Variants in WDPCP observed in about 807,000 individuals in gnomAD.
WDPCP encodes the protein WD repeat containing planar cell polarity effector.
A neutral mutation model predicts 93.1 loss-of-function variants in WDPCP; 71 were observed. The observed-to-expected ratio is 0.76, with a 90% CI of 0.63 to 0.93. WDPCP has a LOEUF of 0.93. Among genes scored for constraint, WDPCP ranks in the 40% least tolerant of loss-of-function variants. The probability of loss-of-function intolerance (pLI) is 0.00; values close to 1 mark genes in which losing one functional copy is unlikely to be tolerated. For synonymous variants in WDPCP, 315 were observed against 315.0 expected (o/e 1.00, Z 0.00); for missense variants, 844 against 887.4 (o/e 0.95, Z 0.62).
At chr2:63,533,779 C>A (rs1224552858) in intron 1 of WDPCP, among the ~76,000 whole-genome samples, 1 of 152,118 alleles carries the variant, frequency 6.6e-6, no homozygotes, top group Non-Finnish European at 1.5e-5. Context: ...AATCGACACC[C>A]TAACATCACA....
chr2:63,777,897 C>T (rs908093102), intron 2 of WDPCP, among the ~76,000 whole-genome samples: 1 of 152,062 alleles, frequency 6.6e-6, no homozygotes, highest in Admixed American at 6.6e-5. Context: ...AAATTATACA[C>T]TTGAAATATG....
chr2:63,717,440 C>T, intron 2 of WDPCP: 1 of 386,380 alleles, frequency 2.6e-6, no homozygotes, highest in Non-Finnish European at 5.0e-6. Context: ...GAGGCTGCTG[C>T]CCAAAACTAA....
At chr2:63,722,664 G>GT (rs1377010095) in intron 2 of WDPCP, among the ~76,000 whole-genome samples, 6 of 141,520 alleles carry the variant, frequency 4.2e-5, no homozygotes, top group East Asian at 2.1e-4. Context: ...AGGTGGGGGG[G>GT]GGTCAGCCCC....
chr2:63,201,537 T>A (rs946060853), intron 14 of WDPCP, among the ~76,000 whole-genome samples: 1 of 152,208 alleles, frequency 6.6e-6, no homozygotes, highest in African/African-American at 2.4e-5. Flanking sequence ...TTTAGATCAA[T>A]GTTGTACTTT....
intron 3 of WDPCP, among the ~76,000 whole-genome samples, chr2:63,601,885 A>G (rs1224845982): frequency 6.6e-6 from 1 of 152,244 alleles, no homozygotes; most frequent in Non-Finnish European, 1.5e-5. Context: ...TATATACCAT[A>G]CCAGCTAAAT....
At chr2:63,503,067 T>C (rs974620776) in intron 1 of WDPCP, among the ~76,000 whole-genome samples, 1 of 152,248 alleles carries the variant, frequency 6.6e-6, no homozygotes, top group African/African-American at 2.4e-5. Flanking sequence ...AAAAATCTTT[T>C]AAAATCTTTT....
Position 63,295,777 on chromosome 2 carries a change from C to T in WDPCP, c.1812+17471G>A, listed in dbSNP as rs901695794. The stretch of plus-strand genomic sequence containing the variant: ...ATTGAATCAGTAATAAAAAAATCTT[C>T]GAACAACAACAACAACAAAAAAGCC... On this transcript the variant is annotated intron_variant, in intron 13 of 17. Transcript: ENST00000272321. Among the ~76,000 whole-genome samples the T allele has an allele frequency of 1.2e-3, 57 of 47,672 alleles. 1 individual carries two copies. Among genetic ancestry groups the T allele is most frequent in the Admixed American group, 9.4e-3 (38 of 4,062 alleles). 31.3% of individuals were successfully genotyped at this position (47,672 alleles called of 152,430 possible).
chr2:63,496,917 G>C (rs1701253108), intron 1 of WDPCP, among the ~76,000 whole-genome samples: 1 of 151,826 alleles, frequency 6.6e-6, no homozygotes. Flanking sequence ...TTCGAGACCA[G>C]CCTGGCCTTC....
chr2:63,823,712 A>G (rs2104139174), intron 1 of WDPCP, among the ~76,000 whole-genome samples: 1 of 152,314 alleles, frequency 6.6e-6, no homozygotes, highest in African/African-American at 2.4e-5. Flanking sequence ...ATACACCAGT[A>G]ACCTTTAAGG....
At position 63,792,536 on chromosome 2, in the gene WDPCP, T is replaced by G. The variant is rs185274397; in HGVS notation, n.308+21086A>C. Among the ~76,000 whole-genome samples the G allele has an allele frequency of 1.7e-3, 257 of 152,146 alleles. 2 individuals are homozygous for G. The highest frequency in any genetic ancestry group is 6.0e-3 in the African/African-American group (251 of 41,500). On this transcript the variant is annotated intron_variant and non_coding_transcript_variant, in intron 2 of 4. Coordinates refer to the WDPCP transcript ENST00000467687. ...GCCCTGAGTGATACGGCTATACATA[T>G]GAGGGGCATCTAAACCAGGAGAGAC...
intron 15 of WDPCP, among the ~76,000 whole-genome samples, chr2:63,170,643 G>T (rs1195359103): frequency 6.6e-6 from 1 of 152,168 alleles, no homozygotes; most frequent in Admixed American, 6.5e-5. Flanking sequence ...ATTCTGCCTG[G>T]TGTGGTGTTA....
At chr2:63,620,723 G>A (rs1431729502) in intron 3 of WDPCP, among the ~76,000 whole-genome samples, 1 of 152,188 alleles carries the variant, frequency 6.6e-6, no homozygotes, top group South Asian at 2.1e-4. Flanking sequence ...CCTGCCTCCT[G>A]ACTGGGAGAC....
Position 63,128,981 on chromosome 2 carries a change from C to A in WDPCP, c.2191-6925G>T, listed in dbSNP as rs140753586. ...CTGTGCACGGTGTTCTACTTTGTGT[C>A]TCTAAGAATTTGACTATTCCAGGTA... On this transcript the variant is annotated intron_variant, in intron 17 of 17. Transcript: ENST00000272321. 1.8e-3 allele frequency among the ~76,000 whole-genome samples: 273 copies of A among 152,286 alleles called. 2 individuals are homozygous for A. Among genetic ancestry groups the A allele is most frequent in the African/African-American group, 6.2e-3 (256 of 41,578 alleles).
intron 1 of WDPCP, among the ~76,000 whole-genome samples, chr2:63,575,409 A>AGT (rs1223189279): frequency 4.0e-5 from 3 of 75,574 alleles, no homozygotes; most frequent in African/African-American, 2.4e-4. Flanking sequence ...GTATATATAC[A>AGT]GTATATACAC....
intron 1 of WDPCP, among the ~76,000 whole-genome samples, chr2:63,575,984 C>T (rs1208870080): frequency 6.6e-6 from 1 of 152,042 alleles, no homozygotes; most frequent in Non-Finnish European, 1.5e-5. Flanking sequence ...TTTACAGGCA[C>T]ACAGTTAAGT....
At chr2:63,231,609 A>G (rs1435576028) in intron 14 of WDPCP, among the ~76,000 whole-genome samples, 2 of 152,178 alleles carry the variant, frequency 1.3e-5, no homozygotes, top group Non-Finnish European at 2.9e-5. Flanking sequence ...AATACCTAGG[A>G]ATCCAACTTA....
At chr2:63,472,392 T>C (rs1002430196) in intron 6 of WDPCP, among the ~76,000 whole-genome samples, 8 of 151,980 alleles carry the variant, frequency 5.3e-5, no homozygotes, top group Admixed American at 6.5e-5. Context: ...ATTAGTTAGA[T>C]ATTACATCTT....
intron 8 of WDPCP, among the ~76,000 whole-genome samples, chr2:63,434,248 C>T (rs1192878855): frequency 3.9e-5 from 6 of 152,126 alleles, no homozygotes; most frequent in African/African-American, 1.4e-4. Flanking sequence ...CATCGACCTA[C>T]ACATATGATT....
At chr2:63,639,583 C>A (rs985891357) in intron 3 of WDPCP, among the ~76,000 whole-genome samples, 3 of 152,176 alleles carry the variant, frequency 2.0e-5, no homozygotes, top group African/African-American at 7.2e-5. Flanking sequence ...ACCCACTAAT[C>A]CATGGCAAGT....
Sources: gnomAD v4.1 joint callset for allele counts (sites outside exome capture counted in the v4.1 genomes callset) on GRCh38, gnomAD v4.1.1 for gene constraint, MANE v1.5 for transcripts, NCBI Gene and HGNC (gene_info 2026-07-23, HGNC 2026-07-21) for gene names.